Variants in ROBO2 observed in about 807,000 individuals in gnomAD.
ROBO2 encodes the protein roundabout homolog 2.
A neutral mutation model predicts 160.8 loss-of-function variants in ROBO2; 53 were observed. The observed-to-expected ratio is 0.33, with a 90% CI of 0.26 to 0.41. The LOEUF is 0.41. Among genes scored for constraint, ROBO2 ranks in the 10% least tolerant of loss-of-function variants. The probability of loss-of-function intolerance (pLI) is 1.00; values close to 1 mark genes in which losing one functional copy is unlikely to be tolerated. For synonymous variants in ROBO2, 664 were observed against 611.7 expected, an observed-to-expected ratio of 1.09 and a Z score of -1.26; for missense variants, 1,577 against 1,722.4, an observed-to-expected ratio of 0.92 and a Z score of 1.49.
rs1176636068 is a variant in ROBO2, at chr3:76,120,280, G to T, written c.109+182678G>T. ...GCCTTCCAAAGTGCTGGGATTACAG[G>T]CGTGAGCCACCACGCCTGGAGGCTT... On this transcript the variant is annotated intron_variant, in intron 2 of 26. Transcript: ENST00000487694. Among the ~76,000 whole-genome samples, 4 of 152,222 alleles carry T rather than the reference G, an allele frequency of 2.6e-5. No individual in the cohort carries two copies. The South Asian group carries it at 8.3e-4, about 32-fold the overall frequency.
chr3:77,407,591 T>C (rs77758272), intron 2 of ROBO2, among the ~76,000 whole-genome samples: 3 of 152,200 alleles, frequency 2.0e-5, no homozygotes, highest in African/African-American at 7.2e-5. Context: ...GGTTTCTCCA[T>C]CACTCCTGCA....
At chr3:75,986,499 G>A (rs1474896982) in intron 2 of ROBO2, among the ~76,000 whole-genome samples, 3 of 150,818 alleles carry the variant, frequency 2.0e-5, no homozygotes, top group East Asian at 1.9e-4. Flanking sequence ...CTGGGTTGCC[G>A]TTTTATTCTG....
chr3:76,601,066 G>A (rs1008606403), intron 2 of ROBO2, among the ~76,000 whole-genome samples: 1 of 152,176 alleles, frequency 6.6e-6, no homozygotes, highest in South Asian at 2.1e-4. Context: ...AAACCTTAAA[G>A]CTCCATAATG....
chr3:77,003,850 G>GGAGGTTCT (rs1240235582), intron 2 of ROBO2, among the ~76,000 whole-genome samples: 3 of 152,096 alleles, frequency 2.0e-5, no homozygotes, highest in Non-Finnish European at 2.9e-5. Context: ...CAGCCGACAT[G>GGAGGTTCT]GAGGTTCTTT....
At chr3:76,456,820 G>A (rs1357552104) in intron 2 of ROBO2, among the ~76,000 whole-genome samples, 1 of 152,114 alleles carries the variant, frequency 6.6e-6, no homozygotes, top group East Asian at 1.9e-4. Context: ...CATGGTGGGA[G>A]GCGAAAAGCA....
chr3:77,066,433 G>A (rs1026520078), intron 1 of ROBO2, among the ~76,000 whole-genome samples: 2 of 152,010 alleles, frequency 1.3e-5, no homozygotes, highest in Admixed American at 6.6e-5. Flanking sequence ...TCAACTCTTT[G>A]TTCTATAGTT....
intron 2 of ROBO2, among the ~76,000 whole-genome samples, chr3:77,276,645 G>T (rs973861316): frequency 6.6e-6 from 1 of 152,074 alleles, no homozygotes; most frequent in Non-Finnish European, 1.5e-5. Context: ...CCAGCTACTC[G>T]GGAGGCTTAG....
chr3:77,324,282 C>T (rs2065125577), intron 2 of ROBO2, among the ~76,000 whole-genome samples: 2 of 152,140 alleles, frequency 1.3e-5, no homozygotes, highest in Admixed American at 6.5e-5. Context: ...GATGACTGTA[C>T]AGCACTGTGA....
chr3:76,831,024 A>G (rs955218389), intron 2 of ROBO2, among the ~76,000 whole-genome samples: 4 of 151,872 alleles, frequency 2.6e-5, no homozygotes, highest in African/African-American at 9.7e-5. Flanking sequence ...ATAACAAATC[A>G]CCTTGACACA....
chr3:76,818,134 C>T (rs531543394), intron 2 of ROBO2, among the ~76,000 whole-genome samples: 3 of 152,028 alleles, frequency 2.0e-5, no homozygotes, highest in South Asian at 4.2e-4. Context: ...AAAAGTGTTT[C>T]CTTTTTACCA....
rs2070182865 is a variant in ROBO2, at chr3:76,110,572, A to G, written c.109+172970A>G. ...ACTGATGTTTTAGAGTTAAAGGTTAAAACATTTATAAAATAAATGTTATTG... is the reference window on the plus strand; with the variant it reads ...ACTGATGTTTTAGAGTTAAAGGTTAGAACATTTATAAAATAAATGTTATTG... On this transcript the variant is annotated intron_variant, in intron 2 of 26. Transcript: ENST00000487694. Among the ~76,000 whole-genome samples, 3 of 152,134 alleles carry G rather than the reference A, an allele frequency of 2.0e-5. No individual in the cohort carries two copies. The South Asian group carries it at 6.2e-4, about 32-fold the overall frequency.
At chr3:76,178,664 G>A (rs914348196) in intron 2 of ROBO2, among the ~76,000 whole-genome samples, 2 of 152,104 alleles carry the variant, frequency 1.3e-5, no homozygotes, top group African/African-American at 4.8e-5. Flanking sequence ...AAGAACCTTG[G>A]CTGGATGCAG....
chr3:77,039,025 T>C (rs906386757), upstream of ROBO2, among the ~76,000 whole-genome samples: 1 of 152,110 alleles, frequency 6.6e-6, no homozygotes, highest in Non-Finnish European at 1.5e-5. Context: ...TGGAACTCCC[T>C]CGCCCTGCGC....
intron 2 of ROBO2, among the ~76,000 whole-genome samples, chr3:76,100,603 G>A (rs1429627310): frequency 6.6e-6 from 1 of 152,084 alleles, no homozygotes; most frequent in Non-Finnish European, 1.5e-5. Flanking sequence ...GTTATTGGGG[G>A]ATATTAAGGA....
chr3:76,048,520 G>A (rs1379211878), intron 2 of ROBO2, among the ~76,000 whole-genome samples: 1 of 152,124 alleles, frequency 6.6e-6, no homozygotes, highest in Non-Finnish European at 1.5e-5. Context: ...TAAATGATTA[G>A]TCAATGTTTT....
intron 2 of ROBO2, among the ~76,000 whole-genome samples, chr3:76,084,539 A>G (rs1052922758): frequency 1.3e-5 from 2 of 152,176 alleles, no homozygotes; most frequent in African/African-American, 4.8e-5. Flanking sequence ...AGATGCAGGA[A>G]TTAAATCCTA....
chr3:77,124,000 G>T (rs1182615046), intron 2 of ROBO2, among the ~76,000 whole-genome samples: 1 of 150,458 alleles, frequency 6.6e-6, no homozygotes, highest in South Asian at 2.1e-4. Context: ...TATCTATATA[G>T]ATATATATAT....
exon 20 of ROBO2, chr3:77,602,398 C>T: frequency 6.2e-7 from 1 of 1,614,150 alleles, no homozygotes; most frequent in Non-Finnish European, 8.5e-7. Context: ...GGCTGTCGAT[C>T]TGCCTGATCC....
chr3:77,192,753 CTG>C (rs1319844397), intron 2 of ROBO2, among the ~76,000 whole-genome samples: 2 of 147,300 alleles, frequency 1.4e-5, no homozygotes, highest in African/African-American at 5.1e-5. Flanking sequence ...TCAAGCAACT[CTG>C]GTGCCTCAGC....
Sources: allele counts gnomAD v4.1 joint callset (sites outside exome capture counted in the v4.1 genomes callset), GRCh38; gene constraint gnomAD v4.1.1; transcripts MANE v1.5; gene names NCBI Gene and HGNC (gene_info 2026-07-23, HGNC 2026-07-21).